Variants in STON2 observed in about 807,000 individuals in gnomAD.
STON2 encodes the protein stonin 2.
Under a neutral mutation model 65.7 loss-of-function variants are expected in STON2, and 29 were observed. The ratio of observed to expected loss-of-function variants is 0.44; its 90% CI spans 0.33 to 0.60. The LOEUF (loss-of-function observed/expected upper bound fraction) is 0.60, where lower values mean the gene tolerates loss of function less well. Ranked by LOEUF, STON2 falls within the 20% of genes least tolerant of loss-of-function variation. The pLI, the probability that STON2 is intolerant of heterozygous loss-of-function variation, is 0.03. For missense variants in STON2, 1,054 were observed against 1,118.1 expected (o/e 0.94, Z 0.82); for synonymous variants, 404 against 414.2 (o/e 0.98, Z 0.30).
At chr14:81,275,197 G>T (rs756806684) in intron 6 of STON2, among the ~76,000 whole-genome samples, 1 of 152,082 alleles carries the variant, frequency 6.6e-6, no homozygotes, top group African/African-American at 2.4e-5. Context: ...AAATCACTTT[G>T]AAACAAATAG....
chr14:81,428,069 T>C (rs1251213302), intron 1 of STON2, among the ~76,000 whole-genome samples: 1 of 152,158 alleles, frequency 6.6e-6, no homozygotes, highest in Non-Finnish European at 1.5e-5. Flanking sequence ...CCTTACAGCG[T>C]TGAGGTGCAA....
chr14:81,265,674 ATACTC>A lies in STON2; in HGVS notation c.*2735_*2739del. Reference sequence around the variant, plus strand: ...AATAATAATAATAATAATAATAATAATACTCTGTCTCAATAATAATAATAATAATA... The same window carrying A: ...AATAATAATAATAATAATAATAATAATGTCTCAATAATAATAATAATAATA... On this transcript the variant is annotated 3_prime_UTR_variant, in exon 8 of 8. Coordinates refer to ENST00000614646, the MANE Select transcript of STON2 (RefSeq NM_001394390.1). 1.6e-6 allele frequency: 1 copy of A among 606,532 alleles called. No homozygotes were observed. The highest frequency in any genetic ancestry group is 2.1e-6 in the Non-Finnish European group (1 of 484,582). 37.6% of individuals were successfully genotyped at this position (606,532 alleles called of 1,614,324 possible). A position where few individuals can be genotyped will look rare whatever the true frequency, so the allele number is the denominator to read the frequency against.
Position 81,264,970 on chromosome 14 carries a change from T to C in STON2, c.*3444A>G. ...ACTCAAAAGAAAGCACAGCTCTTGA[T>C]ACCACGTGATATCTAATTTATGTTC... On this transcript the variant is annotated 3_prime_UTR_variant, in exon 8 of 8. Transcript: ENST00000614646. 1 of 985,106 alleles carries C rather than the reference T, an allele frequency of 1.0e-6. No homozygotes were observed. The highest frequency in any genetic ancestry group is 4.7e-5 in the South Asian group (1 of 21,280). The allele number at this position is 985,106 out of a possible 1,614,324, so 61.0% of individuals were successfully genotyped here.
upstream of STON2, among the ~76,000 whole-genome samples, chr14:81,402,705 C>T (rs1004540964): frequency 6.6e-6 from 1 of 152,138 alleles, no homozygotes; most frequent in Non-Finnish European, 1.5e-5. Context: ...CTGGAGCTTA[C>T]CCTCTCCAAT....
In STON2 at chr14:81,262,527, G is replaced by T. The variant is rs1023188423; in HGVS notation, c.*5887C>A. On this transcript the variant is annotated 3_prime_UTR_variant, in exon 8 of 8. Transcript: ENST00000614646. Reference sequence around the variant, plus strand: ...ATTTTGAGGCTTGGTACCCAATGCTGATTTGTCATCTCTCTAGATTTTACT... The same window carrying T: ...ATTTTGAGGCTTGGTACCCAATGCTTATTTGTCATCTCTCTAGATTTTACT... 7 of 985,202 alleles carry T rather than the reference G, an allele frequency of 7.1e-6. No homozygotes were observed. Among genetic ancestry groups the T allele is most frequent in the Non-Finnish European group, 6.0e-6 (5 of 829,834 alleles). 61.0% of individuals were successfully genotyped at this position (985,202 alleles called of 1,614,324 possible).
intron 1 of STON2, among the ~76,000 whole-genome samples, chr14:81,433,096 T>C (rs1902281703): frequency 6.6e-6 from 1 of 152,186 alleles, no homozygotes; most frequent in Non-Finnish European, 1.5e-5. Flanking sequence ...GTGATTCGGA[T>C]GCACACTAAA....
chr14:81,372,813 G>T (rs1199239437), intron 3 of STON2, among the ~76,000 whole-genome samples: 1 of 152,022 alleles, frequency 6.6e-6, no homozygotes, highest in Non-Finnish European at 1.5e-5. Context: ...TCTCCTGCCG[G>T]GAAAACCAAA....
chr14:81,329,193 C>T (rs1183479988), intron 4 of STON2, among the ~76,000 whole-genome samples: 5 of 152,100 alleles, frequency 3.3e-5, no homozygotes, highest in Non-Finnish European at 7.4e-5. Context: ...CGGTGGCTCA[C>T]GCTTGTAATC....
chr14:81,269,561 C>A, intron 7 of STON2: 5 of 985,368 alleles, frequency 5.1e-6, no homozygotes, highest in Non-Finnish European at 6.0e-6. Context: ...AATGATTCAA[C>A]ACACAACAGT....
chr14:81,345,710 A>C (rs1391768789), intron 4 of STON2, among the ~76,000 whole-genome samples: 1 of 152,104 alleles, frequency 6.6e-6, no homozygotes, highest in African/African-American at 2.4e-5. Context: ...GCAGTGAACC[A>C]AGATCATGCT....
chr14:81,265,753 T>C lies in STON2; in HGVS notation c.*2661A>G. ...CATAGAAGGGATTTTTCCCAACTCT[T>C]GGTAAAAAAAACAAAAAAGTCCAGG... is the stretch of plus-strand genomic sequence containing the variant. On this transcript the variant is annotated 3_prime_UTR_variant, in exon 8 of 8. Coordinates refer to ENST00000614646, the MANE Select transcript of STON2 (RefSeq NM_001394390.1). 10 of 978,586 alleles carry C rather than the reference T, an allele frequency of 1.0e-5. No homozygotes were observed. Among genetic ancestry groups the C allele is most frequent in the Non-Finnish European group, 1.2e-5 (10 of 826,820 alleles). 60.6% of individuals were successfully genotyped at this position (978,586 alleles called of 1,614,324 possible). A position where few individuals can be genotyped will look rare whatever the true frequency, so the allele number is the denominator to read the frequency against.
chr14:81,350,167 C>T (rs993829642), intron 4 of STON2, among the ~76,000 whole-genome samples: 11 of 152,062 alleles, frequency 7.2e-5, no homozygotes, highest in Non-Finnish European at 1.3e-4. Flanking sequence ...GTTAACAATA[C>T]TACACTGTAT....
At chr14:81,272,897 G>A (rs1323300077) in intron 6 of STON2, among the ~76,000 whole-genome samples, 2 of 152,182 alleles carry the variant, frequency 1.3e-5, no homozygotes, top group African/African-American at 4.8e-5. Context: ...TTCTCTGAGA[G>A]GGTTAAGTAA....
At chr14:81,395,106 A>C (rs1361506209) in intron 3 of STON2, 1 of 152,158 alleles carries the variant, frequency 6.6e-6, no homozygotes, top group African/African-American at 2.4e-5. Flanking sequence ...AAAATAAGAG[A>C]TTTCTCATGA....
intron 4 of STON2, among the ~76,000 whole-genome samples, chr14:81,337,563 TG>T (rs1897422427): frequency 6.6e-6 from 1 of 152,086 alleles, no homozygotes; most frequent in African/African-American, 2.4e-5. Flanking sequence ...GGGGAAGGCC[TG>T]TATGAGGAGG....
At chr14:81,371,317 GTA>G in intron 3 of STON2, 132 bp from the exon 4 acceptor site, 1 of 775,886 alleles carries the variant, frequency 1.3e-6, no homozygotes, top group South Asian at 1.8e-5. Context: ...AGGAAGTCTT[GTA>G]TGGAGAGTAT....
At chr14:81,325,936 T>C (rs1896990086) in intron 4 of STON2, among the ~76,000 whole-genome samples, 1 of 144,846 alleles carries the variant, frequency 6.9e-6, no homozygotes, top group African/African-American at 2.5e-5. Flanking sequence ...CTCTACGGGT[T>C]AAAAAAAAAA....
chr14:81,309,953 C>T (rs7156146), intron 5 of STON2, among the ~76,000 whole-genome samples: 119,710 of 152,044 alleles, frequency 0.79, 47,272 homozygotes, highest in African/African-American at 0.8. Context: ...GTCAAGAGAT[C>T]ATATATGCAG....
chr14:81,283,795 C>T (rs1895226591), intron 5 of STON2, among the ~76,000 whole-genome samples: 1 of 152,194 alleles, frequency 6.6e-6, no homozygotes, highest in Non-Finnish European at 1.5e-5. Context: ...TCCCAGAGTG[C>T]TGGGATTACA....
Sources: gnomAD v4.1 joint callset for allele counts (sites outside exome capture counted in the v4.1 genomes callset) on GRCh38, gnomAD v4.1.1 for gene constraint, MANE v1.5 for transcripts, NCBI Gene and HGNC (gene_info 2026-07-23, HGNC 2026-07-21) for gene names.